The following ZNF169 variants were observed in gnomAD, a reference collection of about 807,000 sequenced individuals.
ZNF169 encodes the protein zinc finger protein 169.
Under a neutral mutation model 12.0 loss-of-function variants are expected in ZNF169, and 11 were observed. The observed-to-expected ratio is 0.92, with a 90% confidence interval of 0.58 to 1.52. ZNF169 has a LOEUF of 1.52. Among genes scored for constraint, ZNF169 ranks in the 40% most tolerant of loss-of-function variants. ZNF169 has a pLI of 0.00. For synonymous variants in ZNF169, 302 were observed against 286.5 expected, an observed-to-expected ratio of 1.05 and a Z score of -0.55; for missense variants, 722 against 744.0, an observed-to-expected ratio of 0.97 and a Z score of 0.34.
At chr9:94,270,901 ATATATAT>A (rs1164608987) in intron 1 of ZNF169, among the ~76,000 whole-genome samples, 8 of 13,588 alleles carry the variant, frequency 5.9e-4, no homozygotes, top group African/African-American at 2.9e-3. Context: ...ATATAATAAT[ATATATAT>A]TATATTATAT....
Position 94,301,083 on chromosome 9 carries a change from T to A in ZNF169, c.1525T>A (p.Ser509Thr), listed in dbSNP as rs1469802550. ...SLLTRHQRTHSEEELYVDRVC... is the reference protein window; with the variant it reads ...SLLTRHQRTHTEEELYVDRVC... The stretch of plus-strand genomic sequence containing the variant: ...CCTCACCCGACACCAGAGGACACAC[T>A]CAGAGGAGGAGCTTTACGTAGACAG... The change falls in exon 5 of 5, where the codon TCA becomes ACA. Residue 509 changes from serine to threonine, a missense_variant. Physicochemically the swap from Ser to Thr is moderately conservative, Grantham distance 58. Transcript: ENST00000395395. 1 of 1,614,002 alleles carries A rather than the reference T, an allele frequency of 6.2e-7. No individual in the cohort carries two copies. The highest frequency in any genetic ancestry group is 2.2e-5 in the East Asian group (1 of 44,852).
At chr9:94,279,799 T>C (rs911826843) in intron 2 of ZNF169, among the ~76,000 whole-genome samples, 2 of 152,224 alleles carry the variant, frequency 1.3e-5, no homozygotes, top group Admixed American at 1.3e-4. Context: ...ACCTGCTATT[T>C]CTGTGTGGTG....
intron 2 of ZNF169, among the ~76,000 whole-genome samples, chr9:94,279,342 GA>G (rs1427725569): frequency 1.3e-5 from 2 of 151,934 alleles, no homozygotes; most frequent in Non-Finnish European, 2.9e-5. Flanking sequence ...AGTGAGCTGA[GA>G]TCGCGCCACT....
At chr9:94,277,126 G>A (rs555223227) in intron 1 of ZNF169, among the ~76,000 whole-genome samples, 16 of 152,244 alleles carry the variant, frequency 1.1e-4, no homozygotes, top group Middle Eastern at 3.4e-3. Flanking sequence ...GTAGGGGGGC[G>A]GATTCCAGGC....
intron 1 of ZNF169, among the ~76,000 whole-genome samples, chr9:94,263,258 A>G (rs1830235852): frequency 6.6e-6 from 1 of 152,184 alleles, no homozygotes; most frequent in Non-Finnish European, 1.5e-5. Context: ...ATTTTGAAGC[A>G]TTGTTATTAT....
chr9:94,299,665 T>C (rs1831015101), intron 4 of ZNF169, 150 bp from the exon 5 acceptor site: 32 of 1,434,242 alleles, frequency 2.2e-5, no homozygotes, highest in Non-Finnish European at 2.7e-5. Flanking sequence ...GTTTGTAGTG[T>C]GGGTTTTCTG....
chr9:94,273,319 A>AT (rs138764114), intron 1 of ZNF169, among the ~76,000 whole-genome samples: 55,883 of 146,510 alleles, frequency 0.38, 10,703 homozygotes, highest in Middle Eastern at 0.45. Context: ...GCTTTTTCCT[A>AT]TTTTTTTTTT....
chr9:94,266,147 T>C (rs1304477239), intron 1 of ZNF169, among the ~76,000 whole-genome samples: 2 of 151,980 alleles, frequency 1.3e-5, no homozygotes, highest in Non-Finnish European at 2.9e-5. Flanking sequence ...AGGAAAGGCC[T>C]AGGCAAAATT....
At chr9:94,268,138 G>A (rs898945911) in intron 1 of ZNF169, among the ~76,000 whole-genome samples, 35 of 151,848 alleles carry the variant, frequency 2.3e-4, no homozygotes, top group Admixed American at 5.3e-4. Context: ...CCAAAGTGCT[G>A]GGATTACAGG....
At chr9:94,276,824 G>A (rs531709534) in intron 1 of ZNF169, among the ~76,000 whole-genome samples, 1 of 152,244 alleles carries the variant, frequency 6.6e-6, no homozygotes, top group South Asian at 2.1e-4. Context: ...AAACATGTTA[G>A]TTCACACCAC....
At chr9:94,282,172 A>G (rs1448264653) in intron 2 of ZNF169, among the ~76,000 whole-genome samples, 1 of 152,214 alleles carries the variant, frequency 6.6e-6, no homozygotes, top group African/African-American at 2.4e-5. Context: ...GCCACGATAT[A>G]TAGGGTTAAA....
intron 1 of ZNF169, among the ~76,000 whole-genome samples, chr9:94,271,284 A>T (rs990834889): frequency 1.3e-5 from 2 of 150,844 alleles, no homozygotes; most frequent in Non-Finnish European, 2.9e-5. Context: ...TTTTGTAGAG[A>T]TGGGGTTTTA....
intron 2 of ZNF169, among the ~76,000 whole-genome samples, chr9:94,290,240 C>G (rs1830802814): frequency 6.6e-6 from 1 of 152,128 alleles, no homozygotes. Flanking sequence ...CTGCAGCTAA[C>G]ATTCTTTTTA....
In ZNF169 at chr9:94,300,580, T is replaced by G; in HGVS notation, c.1022T>G (p.Leu341Trp). The G allele has an allele frequency of 6.2e-7, 1 of 1,612,170 alleles. No homozygotes were observed. The highest frequency in any genetic ancestry group is 8.5e-7 in the Non-Finnish European group (1 of 1,179,374). Residue 341 changes from leucine (L) to tryptophan (W), a missense_variant, in exon 5 of 5, where the codon TTG becomes TGG. By Grantham distance (61) the Leu-to-Trp change is moderately conservative. Transcript: ENST00000395395. The stretch of plus-strand genomic sequence containing the variant: ...CTCCTTCTACACCAGAGGACGCACT[T>G]GGAGGAGAAGCCCTTCGTGTGTCCT... ...IALLLHQRTHLEEKPFVCPEC... is the reference protein window; with the variant it reads ...IALLLHQRTHWEEKPFVCPEC...
intron 2 of ZNF169, among the ~76,000 whole-genome samples, chr9:94,279,836 C>A (rs574882137): frequency 6.6e-6 from 1 of 152,204 alleles, no homozygotes; most frequent in Non-Finnish European, 1.5e-5. Flanking sequence ...TTTGCAGGCC[C>A]ATACTTTATA....
At chr9:94,274,103 A>G (rs898645534) in intron 1 of ZNF169, among the ~76,000 whole-genome samples, 1 of 152,164 alleles carries the variant, frequency 6.6e-6, no homozygotes, top group Admixed American at 6.5e-5. Flanking sequence ...GTGTCTTCAC[A>G]TGGTCTTCCC....
At chr9:94,297,599 A>T (rs1159244082) in intron 4 of ZNF169, among the ~76,000 whole-genome samples, 3 of 152,202 alleles carry the variant, frequency 2.0e-5, no homozygotes, top group Non-Finnish European at 4.4e-5. Context: ...GATCTTACTG[A>T]CTCTAATCAA....
rs185354897 is a variant in ZNF169 at position 94,273,871 on chromosome 9, G to C, written c.-55-4887G>C. 7.6e-3 allele frequency among the ~76,000 whole-genome samples: 1,153 copies of C among 152,182 alleles called. 17 individuals carry two copies. Among genetic ancestry groups the C allele is most frequent in the African/African-American group, 0.026 (1,097 of 41,520 alleles). On this transcript the variant is annotated intron_variant, in intron 1 of 4. Transcript: ENST00000395395. The stretch of plus-strand genomic sequence containing the variant: ...TGGGATTACAGGCGTGAGCCACTGC[G>C]CCCGGCCAAAAGCTATAACTTTCTT...
chr9:94,284,358 C>T (rs1282594457), intron 2 of ZNF169, among the ~76,000 whole-genome samples: 4 of 151,390 alleles, frequency 2.6e-5, no homozygotes, highest in African/African-American at 4.9e-5. Context: ...CTGGGAAGCT[C>T]AGGTTGCAGT....
Sources: gnomAD v4.1 joint callset for allele counts (sites outside exome capture counted in the v4.1 genomes callset) on GRCh38, gnomAD v4.1.1 for gene constraint, MANE v1.5 for transcripts, NCBI Gene and HGNC (gene_info 2026-07-23, HGNC 2026-07-21) for gene names.